Variants in LRP1B observed in about 807,000 individuals in gnomAD.
The protein encoded by LRP1B is low-density lipoprotein receptor-related protein 1B.
A neutral mutation model predicts 556.6 loss-of-function variants in LRP1B; 217 were observed. The observed-to-expected ratio is 0.39, with a 90% CI of 0.35 to 0.44. The LOEUF (loss-of-function observed/expected upper bound fraction) is 0.44. Among genes scored for constraint, LRP1B ranks in the 20% least tolerant of loss-of-function variants. The pLI is 1.00. For synonymous variants in LRP1B, 2,047 were observed against 1,865.8 expected (o/e 1.10, Z -2.50); for missense variants, 5,053 against 5,620.8 (o/e 0.90, Z 3.23).
chr2:141,398,325 A>T (rs11694011), intron 3 of LRP1B, among the ~76,000 whole-genome samples: 82,903 of 151,990 alleles, frequency 0.55, 24,360 homozygotes, highest in Non-Finnish European at 0.67. Context: ...CTTACCATGA[A>T]AAAAAGACCA....
At chr2:140,952,020 A>G (rs1231611681) in intron 18 of LRP1B, 80 bp from the exon 19 acceptor site, 1 of 983,066 alleles carries the variant, frequency 1.0e-6, no homozygotes, top group Non-Finnish European at 1.6e-6. Context: ...TGATAATGTG[A>G]TCAGAACTCC....
At chr2:141,162,732 T>C (rs1449354335) in intron 7 of LRP1B, among the ~76,000 whole-genome samples, 1 of 152,138 alleles carries the variant, frequency 6.6e-6, no homozygotes, top group African/African-American at 2.4e-5. Flanking sequence ...AACAATAATA[T>C]TGGCATCTAG....
At chr2:141,633,264 T>C (rs1191664176) in intron 2 of LRP1B, among the ~76,000 whole-genome samples, 1 of 152,172 alleles carries the variant, frequency 6.6e-6, no homozygotes, top group Admixed American at 6.6e-5. Flanking sequence ...CTTTAGCAAC[T>C]GTAATTGTGT....
intron 43 of LRP1B, among the ~76,000 whole-genome samples, chr2:140,542,549 G>T (rs911193020): frequency 6.6e-6 from 1 of 152,058 alleles, no homozygotes; most frequent in Non-Finnish European, 1.5e-5. Context: ...CTACACAACA[G>T]CAAAATATAG....
At chr2:142,043,589 T>A (rs1233218430) in intron 1 of LRP1B, among the ~76,000 whole-genome samples, 1 of 151,598 alleles carries the variant, frequency 6.6e-6, no homozygotes, top group Non-Finnish European at 1.5e-5. Flanking sequence ...ATATCATCAG[T>A]GTATTTGGTA....
intron 66 of LRP1B, among the ~76,000 whole-genome samples, chr2:140,409,507 G>C (rs1312896242): frequency 6.6e-6 from 1 of 151,880 alleles, no homozygotes; most frequent in Admixed American, 6.6e-5. Context: ...CATTGTAGTT[G>C]ATACAGAGAA....
chr2:142,084,364 C>G (rs1705833250), intron 1 of LRP1B, among the ~76,000 whole-genome samples: 1 of 152,178 alleles, frequency 6.6e-6, no homozygotes, highest in Non-Finnish European at 1.5e-5. Context: ...CCTCTCCAAT[C>G]TGAACCTTCG....
At chr2:141,199,745 C>A (rs1425353308) in intron 6 of LRP1B, among the ~76,000 whole-genome samples, 1 of 151,226 alleles carries the variant, frequency 6.6e-6, no homozygotes, top group Non-Finnish European at 1.5e-5. Context: ...TTGTCCAACC[C>A]CATTAAAAAG....
Position 140,908,607 on chromosome 2 carries a change from A to T in LRP1B, c.3320-530T>A, listed in dbSNP as rs887664516. ...TATAACATCAACACCCCAACTCCCC[A>T]CTCCAGACATATGTACATGCCCTTT... On this transcript the variant is annotated intron_variant, in intron 21 of 90. Transcript: ENST00000389484. Among the ~76,000 whole-genome samples, 4 of 151,650 alleles carry T rather than the reference A, an allele frequency of 2.6e-5. No homozygotes were observed. The East Asian group carries it at 7.7e-4, about 29-fold the overall frequency.
intron 18 of LRP1B, among the ~76,000 whole-genome samples, chr2:140,966,760 T>C (rs918600285): frequency 2.6e-5 from 4 of 152,204 alleles, no homozygotes; most frequent in Admixed American, 2.6e-4. Context: ...TTTCCACATA[T>C]GGCTAGCCAA....
chr2:141,706,629 A>G (rs1692149776), intron 2 of LRP1B, among the ~76,000 whole-genome samples: 1 of 152,108 alleles, frequency 6.6e-6, no homozygotes, highest in Non-Finnish European at 1.5e-5. Context: ...TGGCATTGCT[A>G]TACAGAAGGA....
chr2:140,347,361 A>G (rs1681737778), intron 77 of LRP1B, among the ~76,000 whole-genome samples: 1 of 151,842 alleles, frequency 6.6e-6, no homozygotes, highest in African/African-American at 2.4e-5. Context: ...TTTCTAACTA[A>G]CTATAAACAA....
intron 3 of LRP1B, among the ~76,000 whole-genome samples, chr2:141,454,236 A>G (rs1318264778): frequency 6.6e-6 from 1 of 152,208 alleles, no homozygotes; most frequent in Non-Finnish European, 1.5e-5. Context: ...ATTTAAAATG[A>G]CCTGTTGATA....
intron 63 of LRP1B, among the ~76,000 whole-genome samples, chr2:140,447,287 G>A (rs376342219): frequency 2.7e-4 from 41 of 152,054 alleles, no homozygotes; most frequent in East Asian, 2.3e-3. Flanking sequence ...GTGACCATAC[G>A]GTCCAGCAAT....
chr2:141,528,738 T>C (rs998723248), intron 2 of LRP1B, among the ~76,000 whole-genome samples: 7 of 152,096 alleles, frequency 4.6e-5, no homozygotes, highest in Non-Finnish European at 7.4e-5. Context: ...CCTGGAAATG[T>C]TAAGTACATC....
intron 5 of LRP1B, among the ~76,000 whole-genome samples, chr2:141,231,463 G>A (rs1409439549): frequency 6.6e-6 from 1 of 151,968 alleles, no homozygotes; most frequent in East Asian, 1.9e-4. Flanking sequence ...AGACCCAGAG[G>A]TAGCAAAAAA....
intron 41 of LRP1B, among the ~76,000 whole-genome samples, chr2:140,648,891 G>A (rs1249888783): frequency 6.6e-6 from 1 of 152,126 alleles, no homozygotes. Flanking sequence ...ACTGTTGTAT[G>A]AAACACAATT....
chr2:140,448,618 G>A (rs1191859253), intron 63 of LRP1B, among the ~76,000 whole-genome samples: 1 of 152,052 alleles, frequency 6.6e-6, no homozygotes, highest in Non-Finnish European at 1.5e-5. Flanking sequence ...GGGAGATTAG[G>A]AAGACATTGT....
chr2:140,540,365 C>T (rs1680089931), intron 45 of LRP1B, among the ~76,000 whole-genome samples: 1 of 152,016 alleles, frequency 6.6e-6, no homozygotes, highest in Admixed American at 6.6e-5. Context: ...AATATTGAAA[C>T]ACTTGAACCC....
Sources: allele counts gnomAD v4.1 joint callset (sites outside exome capture counted in the v4.1 genomes callset), GRCh38; gene constraint gnomAD v4.1.1; transcripts MANE v1.5; gene names NCBI Gene and HGNC (gene_info 2026-07-23, HGNC 2026-07-21).